OPCML: variants seen among roughly 807,000 people sequenced by gnomAD.
OPCML encodes opioid-binding protein/cell adhesion molecule.
A neutral mutation model predicts 37.8 loss-of-function variants in OPCML; 13 were observed. The ratio of observed to expected loss-of-function variants is 0.34; its 90% CI spans 0.22 to 0.55. OPCML has a LOEUF of 0.55. Ranked by LOEUF, OPCML falls within the 20% of genes least tolerant of loss-of-function variation. The pLI is 0.91. For missense variants in OPCML, 341 were observed against 435.6 expected (o/e 0.78, Z 1.93); for synonymous variants, 176 against 168.8 (o/e 1.04, Z -0.33).
chr11:132,822,633 C>G (rs973396744), intron 2 of OPCML, among the ~76,000 whole-genome samples: 1 of 152,120 alleles, frequency 6.6e-6, no homozygotes, highest in Non-Finnish European at 1.5e-5. Context: ...TACTGGAACA[C>G]TGATGGTGGA....
intron 1 of OPCML, among the ~76,000 whole-genome samples, chr11:133,145,953 A>C (rs1462075832): frequency 6.6e-6 from 1 of 152,242 alleles, no homozygotes; most frequent in Non-Finnish European, 1.5e-5. Context: ...ATACCTTACA[A>C]GGTATTAATG....
intron 2 of OPCML, among the ~76,000 whole-genome samples, chr11:132,759,172 C>A (rs1031884571): frequency 6.6e-6 from 1 of 152,104 alleles, no homozygotes; most frequent in Non-Finnish European, 1.5e-5. Context: ...GGTGGGTAAG[C>A]TTTTTGATGT....
intron 1 of OPCML, among the ~76,000 whole-genome samples, chr11:133,193,655 T>G (rs1938415689): frequency 6.6e-6 from 1 of 152,186 alleles, no homozygotes; most frequent in Non-Finnish European, 1.5e-5. Flanking sequence ...TTTATATTTG[T>G]ATACTGCTGA....
intron 5 of OPCML, 128 bp from the exon 6 acceptor site, chr11:132,436,907 T>A: frequency 1.4e-6 from 2 of 1,461,778 alleles, no homozygotes; most frequent in South Asian, 2.9e-5. Context: ...ACAACCCTCT[T>A]TCCCAGTAAA....
intron 2 of OPCML, among the ~76,000 whole-genome samples, chr11:132,694,102 G>A (rs1312157286): frequency 7.0e-6 from 1 of 143,414 alleles, no homozygotes; most frequent in East Asian, 2.3e-4. Context: ...ATCTAGCTAT[G>A]AATCTTGGTG....
intron 1 of OPCML, among the ~76,000 whole-genome samples, chr11:133,398,364 A>G (rs1407555544): frequency 1.3e-5 from 2 of 152,148 alleles, no homozygotes; most frequent in Non-Finnish European, 2.9e-5. Context: ...GGACAGAGCC[A>G]TCTCTCAAGG....
intron 3 of OPCML, among the ~76,000 whole-genome samples, chr11:132,579,385 ATGTGTGTGTG>A (rs66467384): frequency 1.1e-4 from 16 of 146,530 alleles, no homozygotes; most frequent in East Asian, 6.0e-4. Context: ...TAGAATGAAT[ATGTGTGTGTG>A]TGTGTGTGTG....
intron 4 of OPCML, among the ~76,000 whole-genome samples, chr11:132,520,186 G>A (rs2096289313): frequency 6.6e-6 from 1 of 152,160 alleles, no homozygotes; most frequent in African/African-American, 2.4e-5. Flanking sequence ...GGGTGCCCCA[G>A]ATAACAAGCA....
intron 3 of OPCML, among the ~76,000 whole-genome samples, chr11:132,644,805 T>C (rs1290714273): frequency 6.6e-6 from 1 of 152,232 alleles, no homozygotes. Flanking sequence ...CATTTATTGT[T>C]GATTGTTGGG....
intron 4 of OPCML, among the ~76,000 whole-genome samples, chr11:132,511,858 A>AT (rs34476216): frequency 0.21 from 31,716 of 152,056 alleles, 3,397 homozygotes; most frequent in Non-Finnish European, 0.23. Context: ...ATATTGATAA[A>AT]TTGGACTTCA....
intron 1 of OPCML, among the ~76,000 whole-genome samples, chr11:133,095,277 GTTTTTTTT>G (rs60154725): frequency 5.4e-4 from 24 of 44,200 alleles, no homozygotes; most frequent in Non-Finnish European, 8.5e-4. Flanking sequence ...TAATGTAAAT[GTTTTTTTT>G]TTTTTTTTTT....
chr11:133,191,493 CTGTGTGTGTGGGTGTGTG>C (rs1275852536), intron 1 of OPCML, among the ~76,000 whole-genome samples: 1 of 119,612 alleles, frequency 8.4e-6, no homozygotes, highest in Non-Finnish European at 1.8e-5. Context: ...TTTTTCTTTT[CTGTGTGTGTGGGTGTGTG>C]TGTGTGTGTG....
intron 3 of OPCML, among the ~76,000 whole-genome samples, chr11:132,630,512 G>T (rs564917043): frequency 2.0e-5 from 3 of 151,944 alleles, no homozygotes; most frequent in African/African-American, 7.2e-5. Flanking sequence ...TAAGTTGAAA[G>T]AATAGGACAC....
chr11:133,422,503 C>T, intron 1 of OPCML: 1 of 982,882 alleles, frequency 1.0e-6, no homozygotes, highest in Non-Finnish European at 1.2e-6. Flanking sequence ...CTAGGAACCA[C>T]TCATTTCTGT....
chr11:133,078,263 A>G (rs1365933219), intron 1 of OPCML, among the ~76,000 whole-genome samples: 1 of 152,168 alleles, frequency 6.6e-6, no homozygotes, highest in African/African-American at 2.4e-5. Flanking sequence ...TCTGATAAAC[A>G]TGGGGCTGAG....
chr11:132,666,517 C>T (rs1003988493), intron 2 of OPCML, among the ~76,000 whole-genome samples: 1 of 152,180 alleles, frequency 6.6e-6, no homozygotes, highest in African/African-American at 2.4e-5. Flanking sequence ...GGAGAGAACA[C>T]ACATCCACAC....
intron 4 of OPCML, among the ~76,000 whole-genome samples, chr11:132,509,054 T>G (rs1362966958): frequency 2.0e-5 from 3 of 152,136 alleles, no homozygotes; most frequent in African/African-American, 7.2e-5. Context: ...ATATGAATAA[T>G]AAGGTCCAGG....
At chr11:132,890,527 A>C (rs914137877) in intron 2 of OPCML, among the ~76,000 whole-genome samples, 2 of 152,140 alleles carry the variant, frequency 1.3e-5, no homozygotes, top group African/African-American at 4.8e-5. Context: ...AGATACATAC[A>C]AAAGAGCAAG....
At chr11:133,303,891 C>T (rs952782425) in intron 1 of OPCML, among the ~76,000 whole-genome samples, 2 of 152,164 alleles carry the variant, frequency 1.3e-5, no homozygotes, top group Admixed American at 1.3e-4. Context: ...TTATCCATTC[C>T]ATGCTGTCAG....
Sources: allele counts gnomAD v4.1 joint callset (sites outside exome capture counted in the v4.1 genomes callset), GRCh38; gene constraint gnomAD v4.1.1; transcripts MANE v1.5; gene names NCBI Gene and HGNC (gene_info 2026-07-23, HGNC 2026-07-21).